Variants in COL24A1 observed in about 807,000 individuals in gnomAD.
The protein encoded by COL24A1 is collagen type XXIV alpha 1 chain.
A neutral mutation model predicts 253.9 loss-of-function variants in COL24A1; 224 were observed. That is an observed-to-expected ratio of 0.88 (90% CI 0.79 to 0.99). The LOEUF (loss-of-function observed/expected upper bound fraction) is 0.99, where lower values mean the gene tolerates loss of function less well. Among genes scored for constraint, COL24A1 ranks in the 50% least tolerant of loss-of-function variants. The pLI, the probability that COL24A1 is intolerant of heterozygous loss-of-function variation, is 0.00. For synonymous variants in COL24A1, 685 were observed against 673.7 expected (o/e 1.02, Z -0.26); for missense variants, 2,131 against 2,068.5 (o/e 1.03, Z -0.59).
rs1704084108 is a variant in COL24A1 at position 86,097,556 on chromosome 1, CCCTTCTCCT to C, written c.1600-5245_1600-5237del. 2.5e-3 allele frequency among the ~76,000 whole-genome samples: 18 copies of C among 7,208 alleles called. 1 individual carries two copies. The highest frequency in any genetic ancestry group is 5.1e-3 in the Non-Finnish European group (13 of 2,544). 4.7% of individuals were successfully genotyped at this position (7,208 alleles called of 152,430 possible). A position where few individuals can be genotyped will look rare whatever the true frequency, so the allele number is the denominator to read the frequency against. Reference sequence around the variant, plus strand: ...CTCCTCCTCCCTCCTCCCTCCTCCTCCCTTCTCCTCCCCCTCCTCCTCCCCCCTCCTCCT... The same window carrying C: ...CTCCTCCTCCCTCCTCCCTCCTCCTCCCCCCTCCTCCTCCCCCCTCCTCCT... On this transcript the variant is annotated intron_variant, in intron 5 of 59. Coordinates refer to ENST00000370571, the MANE Select transcript of COL24A1 (RefSeq NM_152890.7).
At chr1:85,967,185 G>C (rs1403001740) in intron 22 of COL24A1, among the ~76,000 whole-genome samples, 2 of 152,158 alleles carry the variant, frequency 1.3e-5, no homozygotes, top group Admixed American at 1.3e-4. Context: ...TCAGAAAACT[G>C]TAAGTTCTCT....
rs569110865 is a variant in COL24A1 at position 85,848,429 on chromosome 1, C to T, written c.3355-657G>A. Reference sequence around the variant, plus strand: ...GATTCAAGCGATTCTCCTGCCTCAGCCTCCCAAGTAGCTGGGATTACAGGC... The same window carrying T: ...GATTCAAGCGATTCTCCTGCCTCAGTCTCCCAAGTAGCTGGGATTACAGGC... On this transcript the variant is annotated intron_variant, in intron 38 of 59. Coordinates refer to ENST00000370571, the MANE Select transcript of COL24A1 (RefSeq NM_152890.7). Among the ~76,000 whole-genome samples the T allele has an allele frequency of 2.6e-5, 4 of 152,232 alleles. No individual in the cohort carries two copies. The East Asian group carries it at 7.7e-4, about 29-fold the overall frequency.
At position 86,001,903 on chromosome 1, in the gene COL24A1, C is replaced by A. The variant is rs369016857; in HGVS notation, c.2311-14249G>T. On this transcript the variant is annotated intron_variant, in intron 19 of 59. Transcript: ENST00000370571. ...TTTAATTTTATCAAACCTAATCAAA[C>A]CTGATGTCTGGGAAAAAAGACAGAC... Among the ~76,000 whole-genome samples the A allele has an allele frequency of 2.0e-3, 309 of 152,248 alleles. 2 individuals carry two copies. Among genetic ancestry groups the A allele is most frequent in the African/African-American group, 7.2e-3 (299 of 41,548 alleles).
intron 47 of COL24A1, among the ~76,000 whole-genome samples, chr1:85,797,980 C>T (rs1285737162): frequency 6.6e-6 from 1 of 152,002 alleles, no homozygotes. Context: ...ACTGCTTGAG[C>T]TCAGGAGTTC....
chr1:85,920,042 G>A (rs1217929268), intron 24 of COL24A1, among the ~76,000 whole-genome samples: 4 of 152,084 alleles, frequency 2.6e-5, no homozygotes, highest in East Asian at 3.9e-4. Flanking sequence ...ATAAAATTAA[G>A]CATATTTATT....
chr1:85,839,049 A>G (rs1412419220), intron 42 of COL24A1, among the ~76,000 whole-genome samples: 1 of 151,808 alleles, frequency 6.6e-6, no homozygotes, highest in Admixed American at 6.6e-5. Flanking sequence ...ATAATGTAAA[A>G]ATTAGCCAGG....
At position 85,877,129 on chromosome 1, in the gene COL24A1, C is replaced by T. The variant is rs372649821; in HGVS notation, c.3023G>A (p.Gly1008Asp). ...TAGCCACAAAAAATTTACCTCCATG[C>T]CCATTTCTCCAGGAGGTCCAACATC... ...QGDVGPPGEM[G>D]MEGPPGTEGE... The change falls in exon 33 of 60, where the codon GGC (glycine) becomes GAC (aspartate). Residue 1008 changes from glycine (G) to aspartate (D), a missense_variant. Transcript: ENST00000370571. The T allele has an allele frequency of 8.7e-6, 14 of 1,604,946 alleles. No homozygotes were observed. Among genetic ancestry groups the T allele is most frequent in the South Asian group, 2.2e-5 (2 of 89,050 alleles).
intron 24 of COL24A1, among the ~76,000 whole-genome samples, chr1:85,914,188 G>A (rs1054525671): frequency 2.6e-5 from 4 of 152,046 alleles, no homozygotes; most frequent in African/African-American, 7.2e-5. Context: ...GATGGCAAAC[G>A]GAATAAAGAA....
chr1:85,875,440 C>T (rs1462439943), intron 33 of COL24A1, 110 bp from the exon 34 acceptor site: 1 of 774,290 alleles, frequency 1.3e-6, no homozygotes, highest in African/African-American at 1.7e-5. Context: ...GGCATAATTG[C>T]TGTCCCTTTA....
In COL24A1 at chr1:85,816,988, A is replaced by G. The variant is rs910802577; in HGVS notation, c.3844-93T>C. 21 of 933,676 alleles carry G rather than the reference A, an allele frequency of 2.2e-5. No individual in the cohort carries two copies. The African/African-American group carries it at 3.3e-4, about 15-fold the overall frequency. 57.8% of individuals were successfully genotyped at this position (933,676 alleles called of 1,614,324 possible). ...TATTTATTGAGCTGGAGAAGTTTAC[A>G]TTTTTATATTTTGTTCTAGGACAAA... On this transcript the variant is annotated intron_variant, in intron 46 of 59. Coordinates refer to ENST00000370571, the MANE Select transcript of COL24A1 (RefSeq NM_152890.7).
At chr1:86,089,082 C>G in intron 7 of COL24A1, 92 bp downstream of exon 7, 1 of 975,940 alleles carries the variant, frequency 1.0e-6, no homozygotes, top group Non-Finnish European at 1.5e-6. Flanking sequence ...CATATATCAT[C>G]CAATTATGTT....
chr1:85,965,401 G>A (rs1691465593), intron 22 of COL24A1, among the ~76,000 whole-genome samples: 1 of 151,962 alleles, frequency 6.6e-6, no homozygotes, highest in Admixed American at 6.6e-5. Flanking sequence ...AACAAATCAA[G>A]CAGGGAAGGG....
In COL24A1 at chr1:85,859,893, G is replaced by T. The variant is rs540015903; in HGVS notation, c.3300+8626C>A. 2.6e-5 allele frequency among the ~76,000 whole-genome samples: 4 copies of T among 152,238 alleles called. No homozygotes were observed. In the East Asian group the frequency reaches 7.7e-4, roughly 29 times the overall value. ...AGCTATTTGGGAGGCTGAGGCAGGA[G>T]AATTCCTTGGGTCCAGGAGTTTAAG... On this transcript the variant is annotated intron_variant, in intron 37 of 59. Transcript: ENST00000370571.
chr1:85,835,993 G>A (rs1277646873), intron 43 of COL24A1, among the ~76,000 whole-genome samples: 1 of 152,122 alleles, frequency 6.6e-6, no homozygotes, highest in Non-Finnish European at 1.5e-5. Flanking sequence ...TATACCTGGA[G>A]GAAAGGAGCA....
At chr1:86,113,449 G>A (rs1180122157) in intron 4 of COL24A1, among the ~76,000 whole-genome samples, 2 of 152,026 alleles carry the variant, frequency 1.3e-5, no homozygotes, top group African/African-American at 4.8e-5. Flanking sequence ...TTTTAATTCT[G>A]AATTAATAGA....
Position 85,877,122 on chromosome 1 carries a change from C to T in COL24A1, c.3030G>A (p.Glu1010=). 2 of 1,602,270 alleles carry T rather than the reference C, an allele frequency of 1.2e-6. No homozygotes were observed. Among genetic ancestry groups the T allele is most frequent in the Non-Finnish European group, 1.7e-6 (2 of 1,174,750 alleles). ...GAAGAACTAGCCACAAAAAATTTAC[C>T]TCCATGCCCATTTCTCCAGGAGGTC... ...DVGPPGEMGM[E]GPPGTEGESG... Residue 1010 remains glutamate, a splice_region_variant and synonymous_variant, in exon 33 of 60, where the codon GAG becomes GAA. Coordinates refer to ENST00000370571, the MANE Select transcript of COL24A1 (RefSeq NM_152890.7).
intron 39 of COL24A1, among the ~76,000 whole-genome samples, chr1:85,845,026 T>C (rs1469763861): frequency 6.6e-6 from 1 of 151,892 alleles, no homozygotes; most frequent in African/African-American, 2.4e-5. Context: ...TGAAGAACGA[T>C]GGAATGAAGA....
At chr1:85,987,085 C>T (rs546384578) in intron 20 of COL24A1, among the ~76,000 whole-genome samples, 10 of 151,812 alleles carry the variant, frequency 6.6e-5, no homozygotes, top group African/African-American at 2.2e-4. Flanking sequence ...AAAAGCATTG[C>T]CGAAATAATA....
chr1:85,806,861 A>C (rs1163924209), intron 47 of COL24A1, among the ~76,000 whole-genome samples: 1 of 152,234 alleles, frequency 6.6e-6, no homozygotes, highest in African/African-American at 2.4e-5. Context: ...AGGGGTATGA[A>C]TGGGAATGAA....
Sources: allele counts gnomAD v4.1 joint callset (sites outside exome capture counted in the v4.1 genomes callset), GRCh38; gene constraint gnomAD v4.1.1; transcripts MANE v1.5; gene names NCBI Gene and HGNC (gene_info 2026-07-23, HGNC 2026-07-21).